The following HS6ST3 variants were observed in gnomAD, a reference collection of about 807,000 sequenced individuals.
HS6ST3 encodes heparan-sulfate 6-O-sulfotransferase 3.
A neutral mutation model predicts 36.7 loss-of-function variants in HS6ST3; 12 were observed. The observed-to-expected ratio is 0.33, with a 90% CI of 0.21 to 0.53. HS6ST3 has a LOEUF of 0.53. Ranked by LOEUF, HS6ST3 falls within the 20% of genes least tolerant of loss-of-function variation. HS6ST3 has a pLI of 0.95. For synonymous variants in HS6ST3, 240 were observed against 257.5 expected, an observed-to-expected ratio of 0.93 and a Z score of 0.65; for missense variants, 584 against 640.9, an observed-to-expected ratio of 0.91 and a Z score of 0.96.
intron 1 of HS6ST3, among the ~76,000 whole-genome samples, chr13:96,279,803 T>G (rs147493976): frequency 6.6e-6 from 1 of 152,332 alleles, no homozygotes; most frequent in East Asian, 1.9e-4. Context: ...GGGAGTAATT[T>G]GGCAATGTTT....
chr13:96,565,112 C>G (rs942311091), intron 1 of HS6ST3, among the ~76,000 whole-genome samples: 1 of 151,896 alleles, frequency 6.6e-6, no homozygotes, highest in African/African-American at 2.4e-5. Context: ...ATTTATCTCT[C>G]TCCCCTTCTA....
At chr13:96,801,639 G>A (rs1297637513) in intron 1 of HS6ST3, among the ~76,000 whole-genome samples, 5 of 152,022 alleles carry the variant, frequency 3.3e-5, no homozygotes, top group Admixed American at 3.3e-4. Flanking sequence ...ACAGAAACTT[G>A]AGGCTTAAAG....
chr13:96,596,697 G>A (rs1271849575), intron 1 of HS6ST3, among the ~76,000 whole-genome samples: 1 of 152,134 alleles, frequency 6.6e-6, no homozygotes, highest in Admixed American at 6.5e-5. Context: ...TGATGGCAAG[G>A]TTGTGGAGAA....
chr13:96,278,396 T>C (rs746442946), intron 1 of HS6ST3, among the ~76,000 whole-genome samples: 4 of 152,172 alleles, frequency 2.6e-5, no homozygotes, highest in Non-Finnish European at 4.4e-5. Context: ...TCATCTCTTT[T>C]CATTTGCAGT....
intron 1 of HS6ST3, among the ~76,000 whole-genome samples, chr13:96,643,949 T>C (rs1206994975): frequency 1.3e-5 from 2 of 151,954 alleles, no homozygotes; most frequent in East Asian, 3.9e-4. Flanking sequence ...GTTCTCTGAA[T>C]TGCTGCAAGC....
intron 1 of HS6ST3, among the ~76,000 whole-genome samples, chr13:96,729,381 C>A (rs1876086520): frequency 1.3e-5 from 2 of 152,136 alleles, no homozygotes; most frequent in South Asian, 4.1e-4. Flanking sequence ...ATACCCTGAA[C>A]TAAAAGCAGG....
At chr13:96,690,367 T>G (rs1874922493) in intron 1 of HS6ST3, among the ~76,000 whole-genome samples, 1 of 152,116 alleles carries the variant, frequency 6.6e-6, no homozygotes, top group African/African-American at 2.4e-5. Context: ...AAGTCATCCT[T>G]GATAGATTGG....
At chr13:96,626,990 C>T (rs757079449) in intron 1 of HS6ST3, among the ~76,000 whole-genome samples, 1 of 152,004 alleles carries the variant, frequency 6.6e-6, no homozygotes, top group Admixed American at 6.6e-5. Context: ...ATATCATTTA[C>T]AAATGAGGAT....
intron 1 of HS6ST3, among the ~76,000 whole-genome samples, chr13:96,304,679 TTTTC>T (rs56363761): frequency 0.037 from 3,222 of 86,790 alleles, 146 homozygotes; most frequent in Non-Finnish European, 0.048. Flanking sequence ...TGTTGCATGT[TTTTC>T]TTTCTTTCTT....
At chr13:96,445,716 A>G (rs1356495859) in intron 1 of HS6ST3, among the ~76,000 whole-genome samples, 3 of 151,850 alleles carry the variant, frequency 2.0e-5, no homozygotes, top group Non-Finnish European at 4.4e-5. Context: ...AAAAATACAA[A>G]AAATAACCAG....
Position 96,346,744 on chromosome 13 carries a change from T to A in HS6ST3, c.707+255175T>A, listed in dbSNP as rs1170408935. On this transcript the variant is annotated intron_variant, in intron 1 of 1. Coordinates refer to ENST00000376705, the MANE Select transcript of HS6ST3 (RefSeq NM_153456.4). ...TGAAACTGGCCTGTAAGGCAGACTG[T>A]CTCACAGATGGCGCCCAGAGATTCC... Among the ~76,000 whole-genome samples the A allele has an allele frequency of 3.3e-5, 5 of 152,234 alleles. No individual in the cohort carries two copies. The East Asian group carries it at 9.7e-4, about 29-fold the overall frequency.
At chr13:96,157,200 A>T (rs1232251083) in intron 1 of HS6ST3, among the ~76,000 whole-genome samples, 1 of 152,336 alleles carries the variant, frequency 6.6e-6, no homozygotes, top group South Asian at 2.1e-4. Context: ...AAATGTTACC[A>T]TTGGAAAAGC....
intron 1 of HS6ST3, among the ~76,000 whole-genome samples, chr13:96,739,874 G>C (rs1256840434): frequency 6.6e-6 from 1 of 152,050 alleles, no homozygotes; most frequent in Non-Finnish European, 1.5e-5. Context: ...ATCCCAGCCT[G>C]ATGTGATCCA....
At chr13:96,230,588 A>C (rs1291267572) in intron 1 of HS6ST3, among the ~76,000 whole-genome samples, 1 of 152,082 alleles carries the variant, frequency 6.6e-6, no homozygotes, top group Non-Finnish European at 1.5e-5. Context: ...GGAGAAGAGG[A>C]GGTCCAAGGA....
intron 1 of HS6ST3, among the ~76,000 whole-genome samples, chr13:96,566,937 GA>G (rs1346526826): frequency 6.6e-6 from 1 of 151,836 alleles, no homozygotes. Context: ...AAGCGTTTCA[GA>G]AAAAAACAGG....
chr13:96,528,521 G>A (rs926836524), intron 1 of HS6ST3, among the ~76,000 whole-genome samples: 12 of 152,086 alleles, frequency 7.9e-5, no homozygotes, highest in African/African-American at 2.4e-4. Flanking sequence ...AATAAAATAT[G>A]ACAACATTTA....
intron 1 of HS6ST3, among the ~76,000 whole-genome samples, chr13:96,633,895 G>A (rs1044968078): frequency 2.0e-5 from 3 of 152,176 alleles, no homozygotes; most frequent in Non-Finnish European, 4.4e-5. Flanking sequence ...CAGAGATTAA[G>A]ATTAAACCTT....
At chr13:96,586,455 C>A (rs939813438) in intron 1 of HS6ST3, among the ~76,000 whole-genome samples, 1 of 152,060 alleles carries the variant, frequency 6.6e-6, no homozygotes, top group African/African-American at 2.4e-5. Context: ...ACCACCGTGC[C>A]TGGCTAATTT....
chr13:96,426,392 A>T (rs896788241), intron 1 of HS6ST3, among the ~76,000 whole-genome samples: 4 of 152,204 alleles, frequency 2.6e-5, no homozygotes, highest in African/African-American at 9.7e-5. Context: ...CATGGCTGAC[A>T]ATTCAGCAAA....
Sources: gnomAD v4.1 joint callset for allele counts (sites outside exome capture counted in the v4.1 genomes callset) on GRCh38, gnomAD v4.1.1 for gene constraint, MANE v1.5 for transcripts, NCBI Gene and HGNC (gene_info 2026-07-23, HGNC 2026-07-21) for gene names.